Variants in UVSSA observed in about 807,000 individuals in gnomAD.
The protein encoded by UVSSA is UV-stimulated scaffold protein A.
Under a neutral mutation model 73.9 loss-of-function variants are expected in UVSSA, and 72 were observed. That is an observed-to-expected ratio of 0.97 (90% CI 0.81 to 1.19). The LOEUF (loss-of-function observed/expected upper bound fraction) is 1.19, where lower values mean the gene tolerates loss of function less well. Ranked by LOEUF, UVSSA falls within the 50% of genes most tolerant of loss-of-function variation. UVSSA has a pLI of 0.00. For missense variants in UVSSA, 1,150 were observed against 965.0 expected, an observed-to-expected ratio of 1.19 and a Z score of -2.54; for synonymous variants, 454 against 391.3, an observed-to-expected ratio of 1.16 and a Z score of -1.89.
At chr4:1,349,336 G>C (rs775021848) in intron 2 of UVSSA, among the ~76,000 whole-genome samples, 188 bp from the exon 3 acceptor site, 1 of 152,238 alleles carries the variant, frequency 6.6e-6, no homozygotes, top group African/African-American at 2.4e-5. Context: ...AAACAGGCAG[G>C]GGCTGGGGAG....
At chr4:1,361,849 A>T (rs139755266) in intron 7 of UVSSA, among the ~76,000 whole-genome samples, 1 of 150,246 alleles carries the variant, frequency 6.7e-6, no homozygotes, top group Non-Finnish European at 1.5e-5. Flanking sequence ...GAGGCCTTAC[A>T]TCATTTTTTT....
intron 12 of UVSSA, among the ~76,000 whole-genome samples, chr4:1,383,313 C>G (rs1449312335): frequency 6.6e-6 from 1 of 152,234 alleles, no homozygotes; most frequent in African/African-American, 2.4e-5. Flanking sequence ...TCCCCACCAG[C>G]AGGCGTGTCC....
intron 8 of UVSSA, among the ~76,000 whole-genome samples, chr4:1,369,376 C>A (rs28406425): frequency 0.012 from 1,783 of 152,264 alleles, 43 homozygotes; most frequent in African/African-American, 0.041. Context: ...GTGCCGGAGG[C>A]GGGGACCAGG....
chr4:1,372,330 A>G (rs974589428), intron 8 of UVSSA, among the ~76,000 whole-genome samples: 9 of 152,168 alleles, frequency 5.9e-5, no homozygotes, highest in African/African-American at 2.2e-4. Flanking sequence ...GCGGCCTGTC[A>G]CGCGTCCATC....
chr4:1,381,211 G>A (rs1264791051), intron 12 of UVSSA, among the ~76,000 whole-genome samples: 1 of 152,236 alleles, frequency 6.6e-6, no homozygotes, highest in Non-Finnish European at 1.5e-5. Context: ...GGGGTCACGT[G>A]TTCATGAGGC....
At chr4:1,376,281 C>G (rs1718761518) in intron 10 of UVSSA, 113 bp downstream of exon 10, 2 of 1,392,970 alleles carry the variant, frequency 1.4e-6, no homozygotes, top group Admixed American at 6.0e-5. Context: ...GGCCCTGCCT[C>G]CCAGCTCTGC....
At chr4:1,343,495 T>C (rs1056592539), upstream of UVSSA, among the ~76,000 whole-genome samples, 1 of 152,220 alleles carries the variant, frequency 6.6e-6, no homozygotes, top group Non-Finnish European at 1.5e-5. Flanking sequence ...CCTCAACCCA[T>C]GAATATGGTA....
chr4:1,380,806 CGTG>C, intron 11 of UVSSA, 71 bp from the exon 12 acceptor site: 3 of 1,592,096 alleles, frequency 1.9e-6, no homozygotes, highest in African/African-American at 1.3e-5. Context: ...GTGCCCAAGT[CGTG>C]GTGGTGGGGG....
upstream of UVSSA, among the ~76,000 whole-genome samples, chr4:1,343,828 A>G (rs1713515454): frequency 6.6e-6 from 1 of 152,132 alleles, no homozygotes; most frequent in African/African-American, 2.4e-5. Flanking sequence ...TTCCTTTTAT[A>G]AAGTTTGCCT....
At chr4:1,394,178 G>T in exon 14 of UVSSA, 1 of 463,748 alleles carries the variant, frequency 2.2e-6, no homozygotes, top group South Asian at 2.2e-5. Context: ...ACACAGCTCT[G>T]TGCCTGTGTG....
At chr4:1,362,946 C>G (rs1353046303) in intron 7 of UVSSA, among the ~76,000 whole-genome samples, 1 of 152,222 alleles carries the variant, frequency 6.6e-6, no homozygotes, top group Non-Finnish European at 1.5e-5. Context: ...CTGTCCCTGG[C>G]GTTCAGTGTG....
chr4:1,355,789 G>T (rs11729783), intron 7 of UVSSA, among the ~76,000 whole-genome samples: 1 of 152,184 alleles, frequency 6.6e-6, no homozygotes, highest in Non-Finnish European at 1.5e-5. Context: ...GGGCTGCCGC[G>T]AGGGGCTGGA....
chr4:1,395,357 A>C lies in UVSSA; in HGVS notation c.*9396A>C. ...GCCGATGTGGGGTGCCCGCCTGCTC[A>C]CATGTGCCGATGTGGAGTGCCCGCC... is the stretch of plus-strand genomic sequence containing the variant. On this transcript the variant is annotated 3_prime_UTR_variant, in exon 14 of 14. Coordinates refer to the UVSSA transcript ENST00000511216. The C allele has an allele frequency of 2.7e-6, 4 of 1,496,100 alleles. 1 individual carries two copies. The highest frequency in any genetic ancestry group is 3.6e-6 in the Non-Finnish European group (4 of 1,123,954). The allele number at this position is 1,496,100 out of a possible 1,614,324, so 92.7% of individuals were successfully genotyped here. A position where few individuals can be genotyped will look rare whatever the true frequency, so the allele number is the denominator to read the frequency against.
At chr4:1,368,879 G>A (rs1717671570) in intron 8 of UVSSA, among the ~76,000 whole-genome samples, 1 of 152,250 alleles carries the variant, frequency 6.6e-6, no homozygotes, top group African/African-American at 2.4e-5. Context: ...TGCAGCCGCA[G>A]GTCCCCACAG....
intron 1 of UVSSA, 25 bp from the exon 2 acceptor site, chr4:1,348,065 G>A (rs1713990793): frequency 6.5e-7 from 1 of 1,550,146 alleles, no homozygotes. Context: ...TGGTGATATA[G>A]CATCTCTGCC....
At chr4:1,353,995 G>A (rs949274913) in intron 5 of UVSSA, among the ~76,000 whole-genome samples, 8 of 152,264 alleles carry the variant, frequency 5.3e-5, no homozygotes, top group African/African-American at 1.4e-4. Flanking sequence ...CCCCTGGGGT[G>A]TGAGTGGAGG....
chr4:1,344,506 A>G (rs1713541498), upstream of UVSSA, among the ~76,000 whole-genome samples: 3 of 151,904 alleles, frequency 2.0e-5, no homozygotes, highest in South Asian at 6.2e-4. Flanking sequence ...AGCCGAGATC[A>G]CACCACTGCA....
rs896156721 is a variant in UVSSA, at chr4:1,350,113, ATG to A, written c.429+263_429+264del. 1.2e-4 allele frequency among the ~76,000 whole-genome samples: 18 copies of A among 148,006 alleles called. 1 individual carries two copies. Among genetic ancestry groups the A allele is most frequent in the African/African-American group, 3.8e-4 (15 of 39,178 alleles). On this transcript the variant is annotated intron_variant, in intron 3 of 13. Transcript: ENST00000389851. ...TATGTGTGGGTGGAGCTGAGGCTGC[ATG>A]TGTCATTTTTTATGTGCGTGTAGGA...
intron 10 of UVSSA, among the ~76,000 whole-genome samples, chr4:1,377,221 G>A (rs1355582350): frequency 6.6e-6 from 1 of 152,226 alleles, no homozygotes; most frequent in African/African-American, 2.4e-5. Flanking sequence ...CTGCCTCTGT[G>A]TCTGGATGCC....
Sources: gnomAD v4.1 joint callset for allele counts (sites outside exome capture counted in the v4.1 genomes callset) on GRCh38, gnomAD v4.1.1 for gene constraint, MANE v1.5 for transcripts, NCBI Gene and HGNC (gene_info 2026-07-23, HGNC 2026-07-21) for gene names.